Variants in SLC12A2 observed in about 807,000 individuals in gnomAD.
SLC12A2 encodes the protein solute carrier family 12 member 2.
SLC12A2 carries 67 observed loss-of-function variants against 136.3 expected under a neutral mutation model. The observed-to-expected ratio is 0.49, with a 90% CI of 0.40 to 0.60. The LOEUF (loss-of-function observed/expected upper bound fraction) is 0.60. Among genes scored for constraint, SLC12A2 ranks in the 20% least tolerant of loss-of-function variants. The probability of loss-of-function intolerance (pLI) is 0.00; values close to 1 mark genes in which losing one functional copy is unlikely to be tolerated. For missense variants in SLC12A2, 1,322 were observed against 1,534.7 expected (o/e 0.86, Z 2.32); for synonymous variants, 619 against 562.9 (o/e 1.10, Z -1.41).
intron 2 of SLC12A2, among the ~76,000 whole-genome samples, 152 bp from the exon 3 acceptor site, chr5:128,114,058 CTG>C (rs1031379330): frequency 6.6e-6 from 1 of 152,082 alleles, no homozygotes; most frequent in African/African-American, 2.4e-5. Context: ...TTTATAAAAA[CTG>C]TTAAAGAAAA....
chr5:128,088,330 A>G (rs1475784755), intron 1 of SLC12A2, among the ~76,000 whole-genome samples: 1 of 152,182 alleles, frequency 6.6e-6, no homozygotes, highest in African/African-American at 2.4e-5. Flanking sequence ...CTAGGAATTG[A>G]TTTAAAAATG....
chr5:128,174,417 TTAAA>T (rs1763478631), intron 19 of SLC12A2, 120 bp from the exon 20 acceptor site: 1 of 666,518 alleles, frequency 1.5e-6, no homozygotes, highest in Non-Finnish European at 2.5e-6. Flanking sequence ...TCATAGTTGT[TTAAA>T]TAAGAAGCCA....
intron 9 of SLC12A2, 86 bp from the exon 10 acceptor site, chr5:128,141,742 GTT>G: frequency 9.1e-7 from 1 of 1,094,810 alleles, no homozygotes; most frequent in Non-Finnish European, 1.3e-6. Flanking sequence ...CACTACTTTG[GTT>G]TCTTTATAAA....
intron 4 of SLC12A2, among the ~76,000 whole-genome samples, chr5:128,126,967 T>TAA (rs1491322749): frequency 3.4e-5 from 1 of 29,658 alleles, no homozygotes; most frequent in East Asian, 8.2e-4. Context: ...TATATATATA[T>TAA]TTTTTTTTTT....
At chr5:128,125,453 A>G (rs1581087860) in intron 4 of SLC12A2, among the ~76,000 whole-genome samples, 3 of 152,204 alleles carry the variant, frequency 2.0e-5, no homozygotes, top group Middle Eastern at 3.4e-3. Flanking sequence ...CACTTGTACA[A>G]TCTTCTTTTG....
intron 18 of SLC12A2, chr5:128,169,220 T>C (rs895366376): frequency 7.4e-6 from 1 of 135,088 alleles, no homozygotes; most frequent in African/African-American, 3.4e-5. Flanking sequence ...CTTCCTCTTA[T>C]AATTGTCCTT....
chr5:128,105,703 T>C (rs1204245602), intron 1 of SLC12A2, among the ~76,000 whole-genome samples: 3 of 152,170 alleles, frequency 2.0e-5, no homozygotes, highest in Admixed American at 6.5e-5. Flanking sequence ...AGATCATCCA[T>C]AGTGTAAAAA....
intron 17 of SLC12A2, among the ~76,000 whole-genome samples, chr5:128,163,196 T>A (rs190394174): frequency 1.6e-4 from 25 of 152,276 alleles, no homozygotes; most frequent in African/African-American, 6.0e-4. Context: ...TTCTTAGGTG[T>A]GCATCTCACA....
Position 128,149,868 on chromosome 5 carries a change from A to T in SLC12A2, c.2006-129A>T, listed in dbSNP as rs74679464. 3,330 of 701,966 alleles carry T rather than the reference A, an allele frequency of 4.7e-3. 55 individuals are homozygous for T. Among genetic ancestry groups the T allele is most frequent in the East Asian group, 0.035 (1,311 of 37,128 alleles). The allele number at this position is 701,966 out of a possible 1,614,324, so 43.5% of individuals were successfully genotyped here. A position where few individuals can be genotyped will look rare whatever the true frequency, so the allele number is the denominator to read the frequency against. On this transcript the variant is annotated intron_variant, in intron 12 of 26. Transcript: ENST00000262461. ...ATATGAGGCATATATGGCAAACTCTAAATGTTTATGAAAGCTGGATGGTGG... is the reference window on the plus strand; with the variant it reads ...ATATGAGGCATATATGGCAAACTCTTAATGTTTATGAAAGCTGGATGGTGG...
intron 20 of SLC12A2, among the ~76,000 whole-genome samples, chr5:128,175,137 C>G (rs1763498682): frequency 6.6e-6 from 1 of 152,028 alleles, no homozygotes; most frequent in African/African-American, 2.4e-5. Context: ...CTGTCCTATT[C>G]CCAGCTGACA....
At chr5:128,145,840 T>A (rs1762514709) in intron 10 of SLC12A2, among the ~76,000 whole-genome samples, 1 of 152,014 alleles carries the variant, frequency 6.6e-6, no homozygotes, top group Admixed American at 6.6e-5. Context: ...GATTTCCTTA[T>A]CTCTTTGGTC....
In SLC12A2 at chr5:128,135,785, CA is replaced by C; in HGVS notation, c.1389del (p.Phe466LeufsTer59). ...TTTATCCCACTGGAGAGCAAGAAGC[CA>C]AAAGGGTTTTTTGGTTATAAATGTA... is the stretch of plus-strand genomic sequence containing the variant. ...GTFIPLESKK[P>X]KGFFGYKSEI... On this transcript the variant is annotated frameshift_variant, in exon 7 of 27. Coordinates refer to ENST00000262461, the MANE Select transcript of SLC12A2 (RefSeq NM_001046.3). LOFTEE classifies it high-confidence loss of function. The C allele has an allele frequency of 6.2e-7, 1 of 1,606,684 alleles. No individual in the cohort carries two copies. Among genetic ancestry groups the C allele is most frequent in the Non-Finnish European group, 8.5e-7 (1 of 1,174,160 alleles).
intron 19 of SLC12A2, among the ~76,000 whole-genome samples, chr5:128,173,870 CAA>C (rs774486806): frequency 4.6e-5 from 7 of 152,140 alleles, no homozygotes; most frequent in Non-Finnish European, 8.8e-5. Flanking sequence ...CTAACTCTGA[CAA>C]AGAGAAAATG....
intron 4 of SLC12A2, among the ~76,000 whole-genome samples, chr5:128,116,394 AATATAT>A (rs60538639): frequency 1.5e-4 from 22 of 144,232 alleles, no homozygotes; most frequent in African/African-American, 3.0e-4. Context: ...TGTATATATA[AATATAT>A]ATATATATAT....
rs1379973351 is a variant in SLC12A2 at position 128,178,620 on chromosome 5, G to A, written c.3031G>A (p.Ala1011Thr). 12 of 1,600,438 alleles carry A rather than the reference G, an allele frequency of 7.5e-6. No homozygotes were observed. The highest frequency in any genetic ancestry group is 1.0e-5 in the Non-Finnish European group (12 of 1,173,166). The change falls in exon 22 of 27, where the codon GCT becomes ACT. Residue 1011 changes from alanine to threonine, a missense_variant. By Grantham distance (58) the Ala-to-Thr change is moderately conservative. This residue lies in a region of SLC12A2 where 226 missense variants were observed against 210.4 expected (regional missense o/e 1.07). Coordinates refer to ENST00000262461, the MANE Select transcript of SLC12A2 (RefSeq NM_001046.3). ...LNVADQKLLE[A>T]STQFQKKQGK... Reference sequence around the variant, plus strand: ...TGTAGCTGACCAAAAGCTTCTTGAAGCTAGTACACAGTTTCAGAAAAAACA... The same window carrying A: ...TGTAGCTGACCAAAAGCTTCTTGAAACTAGTACACAGTTTCAGAAAAAACA...
chr5:128,103,212 A>T (rs1370641203), intron 1 of SLC12A2, among the ~76,000 whole-genome samples: 1 of 152,234 alleles, frequency 6.6e-6, no homozygotes, highest in Non-Finnish European at 1.5e-5. Flanking sequence ...CACCGGGATC[A>T]TATGAGAGTT....
chr5:128,186,667 C>A lies in SLC12A2; in HGVS notation c.*36C>A. 6.2e-7 allele frequency: 1 copy of A among 1,605,436 alleles called. No individual in the cohort carries two copies. ...CAGTGGACAGCCCTCCAGAATGGTA[C>A]TTCAGTGCCTAGTGTAGTAACTGAA... On this transcript the variant is annotated 3_prime_UTR_variant, in exon 27 of 27. Transcript: ENST00000262461.
In SLC12A2 at chr5:128,131,469, G is replaced by A. The variant is rs554721075; in HGVS notation, c.1188+263G>A. The stretch of plus-strand genomic sequence containing the variant: ...ACGAGGTCAGGAGATCGAGGCGAGC[G>A]GATCACGAGGTCAGGAGATCGAGAC... On this transcript the variant is annotated intron_variant, in intron 5 of 26. Coordinates refer to ENST00000262461, the MANE Select transcript of SLC12A2 (RefSeq NM_001046.3). 8.6e-5 allele frequency among the ~76,000 whole-genome samples: 13 copies of A among 151,598 alleles called. 1 individual carries two copies. The South Asian group carries it at 1.7e-3, about 19-fold the overall frequency.
chr5:128,176,666 CAAAT>C (rs1763551584), intron 20 of SLC12A2, among the ~76,000 whole-genome samples: 1 of 151,842 alleles, frequency 6.6e-6, no homozygotes, highest in Non-Finnish European at 1.5e-5. Context: ...TTACAAACAA[CAAAT>C]ATCCATTAAA....
Sources: gnomAD v4.1 joint callset for allele counts (sites outside exome capture counted in the v4.1 genomes callset) on GRCh38, gnomAD v4.1.1 for gene constraint, gnomAD v4.1.1 regional missense constraint, MANE v1.5 for transcripts, NCBI Gene and HGNC (gene_info 2026-07-23, HGNC 2026-07-21) for gene names.